Variants in OCRL observed in about 807,000 individuals in gnomAD.
OCRL encodes OCRL inositol polyphosphate-5-phosphatase.
In OCRL, 8 loss-of-function variants were observed where a neutral mutation model predicts 78.9. That is an observed-to-expected ratio of 0.10 (90% CI 0.06 to 0.18). The LOEUF is 0.18. OCRL is among the 10% of genes least tolerant of loss of function. OCRL has a pLI of 1.00. For synonymous variants in OCRL, 240 were observed against 235.4 expected, an observed-to-expected ratio of 1.02 and a Z score of -0.18; for missense variants, 454 against 696.7, an observed-to-expected ratio of 0.65 and a Z score of 3.92.
chrX:129,541,412 A>G (rs760796835), intron 2 of OCRL, among the ~76,000 whole-genome samples: 2 of 111,940 alleles, frequency 1.8e-5, no homozygotes, highest in African/African-American at 3.2e-5. Context: ...CTTTACTGTT[A>G]GAAAGAAAAG....
At chrX:129,560,460 C>T (rs754339028) in intron 8 of OCRL, 90 bp from the exon 9 acceptor site, 19 of 568,095 alleles carry the variant, frequency 3.3e-5, no homozygotes, top group Admixed American at 3.1e-4. Flanking sequence ...ATATTGTGAA[C>T]ATACCTTTGT....
chrX:129,590,515 G>C lies in OCRL; in HGVS notation c.*245G>C. ...TGTTTTTGTGTTTTCTCTTTATAAG[G>C]CAAAAAGATCTGTATTTACACTCCT... On this transcript the variant is annotated 3_prime_UTR_variant, in exon 24 of 24. Coordinates refer to ENST00000371113, the MANE Select transcript of OCRL (RefSeq NM_000276.4). The C allele has an allele frequency of 2.7e-6, 1 of 375,717 alleles. No homozygotes were observed. Among genetic ancestry groups the C allele is most frequent in the Non-Finnish European group, 4.7e-6 (1 of 214,038 alleles). The allele number at this position is 375,717 out of a possible 1,213,427, so 31.0% of individuals were successfully genotyped here.
intron 12 of OCRL, among the ~76,000 whole-genome samples, chrX:129,565,335 G>A (rs763181849): frequency 8.9e-6 from 1 of 111,739 alleles, no homozygotes; most frequent in South Asian, 3.8e-4. Flanking sequence ...GTCCTGCCTC[G>A]GAGAGCTGTC....
At chrX:129,575,821 A>G in intron 16 of OCRL, 76 bp from the exon 17 acceptor site, 1 of 1,116,780 alleles carries the variant, frequency 9.0e-7, no homozygotes. Flanking sequence ...TACTCCTCAT[A>G]TCCTCTATGG....
In OCRL at chrX:129,562,566, G is replaced by T. The variant is rs748221037; in HGVS notation, c.1057-33G>T. 2.5e-6 allele frequency: 3 copies of T among 1,200,858 alleles called. No individual in the cohort carries two copies. The East Asian group carries it at 8.9e-5, about 36-fold the overall frequency. ...CATGTAAAGTTCAGTTGCTTGTTCT[G>T]TGTACTAATTGAATAATTACTCTTG... On this transcript the variant is annotated intron_variant, in intron 11 of 23. Coordinates refer to ENST00000371113, the MANE Select transcript of OCRL (RefSeq NM_000276.4).
At chrX:129,555,891 A>G (rs902954777) in intron 4 of OCRL, among the ~76,000 whole-genome samples, 27 of 111,921 alleles carry the variant, frequency 2.4e-4, no homozygotes, top group South Asian at 7.5e-4. Context: ...TGAGAAAGAA[A>G]GGACTTGTTA....
At chrX:129,559,435 G>A (rs986865341) in intron 8 of OCRL, among the ~76,000 whole-genome samples, 2 of 111,719 alleles carry the variant, frequency 1.8e-5, no homozygotes, top group South Asian at 3.7e-4. Flanking sequence ...CTGAGCTCAG[G>A]CAATCCACCC....
chrX:129,587,137 T>G lies in OCRL; in HGVS notation c.2256+19T>G, dbSNP rs748964222. The G allele has an allele frequency of 2.0e-6, 2 of 990,912 alleles. No individual in the cohort carries two copies. Among genetic ancestry groups the G allele is most frequent in the South Asian group, 3.8e-5 (2 of 52,274 alleles). 81.7% of individuals were successfully genotyped at this position (990,912 alleles called of 1,213,427 possible). A position where few individuals can be genotyped will look rare whatever the true frequency, so the allele number is the denominator to read the frequency against. On this transcript the variant is annotated intron_variant, in intron 20 of 23. Transcript: ENST00000371113. Reference sequence around the variant, plus strand: ...TCACCAGGTAAGTGAGAGTAGACCTTCCCTACAACTTTGGAAGGTGTGTAA... The same window carrying G: ...TCACCAGGTAAGTGAGAGTAGACCTGCCCTACAACTTTGGAAGGTGTGTAA...
In OCRL at chrX:129,540,657, G is replaced by GC. The variant is rs1411157535; in HGVS notation, c.40-87_40-86insC. On this transcript the variant is annotated intron_variant, in intron 1 of 23. Coordinates refer to ENST00000371113, the MANE Select transcript of OCRL (RefSeq NM_000276.4). ...GCGGGGCGGGGGAGGGCGGCGGTGG[G>GC]GGGGGGGTGGAAGACCCCCTTCGCC... The GC allele has an allele frequency of 1.8e-4, 139 of 784,223 alleles. 1 individual carries two copies. The African/African-American group carries it at 2.6e-3, about 15-fold the overall frequency. 64.6% of individuals were successfully genotyped at this position (784,223 alleles called of 1,213,427 possible). A position where few individuals can be genotyped will look rare whatever the true frequency, so the allele number is the denominator to read the frequency against.
chrX:129,564,343 C>G (rs1295496625), intron 12 of OCRL, among the ~76,000 whole-genome samples: 4 of 109,722 alleles, frequency 3.6e-5, no homozygotes, highest in Admixed American at 9.6e-5. Context: ...ACTAGAAATA[C>G]CATTTGACCC....
At chrX:129,572,973 G>A (rs748936993) in intron 15 of OCRL, among the ~76,000 whole-genome samples, 5 of 112,071 alleles carry the variant, frequency 4.5e-5, no homozygotes, top group Non-Finnish European at 9.4e-5. Flanking sequence ...AATATTCCTT[G>A]CTTTGGTAGC....
chrX:129,590,781 G>C lies in OCRL; in HGVS notation c.*511G>C, dbSNP rs1936576491. ...GTCTGAGTGAGGCTAGTGACTCCTTGGGTGTCCTCAACAGTGAATTCACTG... is the reference window on the plus strand; with the variant it reads ...GTCTGAGTGAGGCTAGTGACTCCTTCGGTGTCCTCAACAGTGAATTCACTG... On this transcript the variant is annotated 3_prime_UTR_variant, in exon 24 of 24. Coordinates refer to ENST00000371113, the MANE Select transcript of OCRL (RefSeq NM_000276.4). The C allele has an allele frequency of 6.8e-6, 1 of 147,731 alleles. No homozygotes were observed. The highest frequency in any genetic ancestry group is 1.8e-4 in the South Asian group (1 of 5,640). The allele number at this position is 147,731 out of a possible 1,213,427, so 12.2% of individuals were successfully genotyped here. A position where few individuals can be genotyped will look rare whatever the true frequency, so the allele number is the denominator to read the frequency against.
intron 19 of OCRL, 44 bp downstream of exon 19, chrX:129,584,411 A>C (rs1936484527): frequency 8.8e-7 from 1 of 1,135,059 alleles, no homozygotes; most frequent in African/African-American, 1.8e-5. Flanking sequence ...CCTGTGCTTG[A>C]TTAACACTTA....
intron 1 of OCRL, 64 bp from the exon 2 acceptor site, chrX:129,540,680 G>C (rs1037850000): frequency 1.0e-5 from 10 of 952,847 alleles, no homozygotes; most frequent in Middle Eastern, 3.9e-4. Context: ...GACCCCCTTC[G>C]CCCCGCAGTG....
At chrX:129,556,279 T>C (rs748657828) in intron 4 of OCRL, among the ~76,000 whole-genome samples, 19 of 111,831 alleles carry the variant, frequency 1.7e-4, no homozygotes, top group Non-Finnish European at 3.0e-4. Flanking sequence ...AGTCTGATGT[T>C]ACTGTCACCA....
chrX:129,570,186 T>G (rs1239328777), intron 15 of OCRL, among the ~76,000 whole-genome samples: 1 of 112,055 alleles, frequency 8.9e-6, no homozygotes, highest in Non-Finnish European at 1.9e-5. Flanking sequence ...ACATTTAGGT[T>G]ATTTCTTGTG....
At chrX:129,584,190 A>C (rs1418115404) in intron 18 of OCRL, among the ~76,000 whole-genome samples, 154 bp from the exon 19 acceptor site, 2 of 112,963 alleles carry the variant, frequency 1.8e-5, no homozygotes, top group Non-Finnish European at 3.7e-5. Context: ...TTTCATTTTC[A>C]ACAATCATAA....
At chrX:129,550,188 T>G (rs1421957577) in intron 4 of OCRL, among the ~76,000 whole-genome samples, 1 of 112,560 alleles carries the variant, frequency 8.9e-6, no homozygotes, top group East Asian at 2.8e-4. Flanking sequence ...ATTTACTAAT[T>G]CAGAAAAGCT....
intron 19 of OCRL, among the ~76,000 whole-genome samples, chrX:129,585,729 G>A (rs1936504546): frequency 8.9e-6 from 1 of 111,775 alleles, no homozygotes; most frequent in African/African-American, 3.3e-5. Context: ...ATTTTAAATG[G>A]TAACCAACTG....
Sources: allele counts gnomAD v4.1 joint callset (sites outside exome capture counted in the v4.1 genomes callset), GRCh38; gene constraint gnomAD v4.1.1; transcripts MANE v1.5; gene names NCBI Gene and HGNC (gene_info 2026-07-23, HGNC 2026-07-21).